RNLS: variants seen among roughly 807,000 people sequenced by gnomAD.
The protein encoded by RNLS is renalase, FAD dependent amine oxidase.
A neutral mutation model predicts 39.8 loss-of-function variants in RNLS; 39 were observed. That is an observed-to-expected ratio of 0.98 (90% confidence interval 0.76 to 1.28). RNLS has a LOEUF of 1.28. Ranked by LOEUF, RNLS falls within the 50% of genes most tolerant of loss-of-function variation. RNLS has a pLI of 0.00. For synonymous variants in RNLS, 147 were observed against 150.7 expected (o/e 0.98, Z 0.18); for missense variants, 410 against 413.3 (o/e 0.99, Z 0.07).
intron 5 of RNLS, among the ~76,000 whole-genome samples, chr10:88,345,585 C>G (rs977271472): frequency 5.3e-5 from 8 of 152,088 alleles, no homozygotes; most frequent in African/African-American, 1.7e-4. Flanking sequence ...ACTAATGGAC[C>G]AAAACCATAA....
the RNLS span, among the ~76,000 whole-genome samples, chr10:88,191,408 C>T: frequency 7.1e-6 from 1 of 141,442 alleles, no homozygotes; most frequent in African/African-American, 3.1e-5. Flanking sequence ...TAATTTTTTT[C>T]ATTGACAAAT....
the RNLS span, among the ~76,000 whole-genome samples, chr10:88,259,788 G>C: frequency 1.3e-5 from 2 of 152,140 alleles, no homozygotes; most frequent in African/African-American, 4.8e-5. Context: ...TCTGTCACCA[G>C]GCTGGAGTGC....
rs1846383893 is a variant in RNLS at position 88,515,964 on chromosome 10, C to T, written c.526+56939G>A. Among the ~76,000 whole-genome samples, 3 of 151,864 alleles carry T rather than the reference C, an allele frequency of 2.0e-5. No individual in the cohort carries two copies. The South Asian group carries it at 6.2e-4, about 32-fold the overall frequency. The stretch of plus-strand genomic sequence containing the variant: ...GCCCTAATCCAATTTGACTGGTGTC[C>T]TTAAGAGGACAGGAAATGTGGACAC... On this transcript the variant is annotated intron_variant, in intron 4 of 6. Transcript: ENST00000331772.
At chr10:88,472,106 A>T (rs552660537) in intron 4 of RNLS, among the ~76,000 whole-genome samples, 1 of 152,348 alleles carries the variant, frequency 6.6e-6, no homozygotes, top group South Asian at 2.1e-4. Context: ...CTAGTCCTGA[A>T]GGCAGGCATT....
intron 4 of RNLS, among the ~76,000 whole-genome samples, chr10:88,478,905 TTCTC>T (rs917482807): frequency 4.6e-4 from 70 of 150,566 alleles, no homozygotes; most frequent in Non-Finnish European, 7.7e-4. Flanking sequence ...CTTTCTTTCT[TTCTC>T]TCTCTCTCTC....
chr10:88,548,279 A>G (rs1304949563), intron 4 of RNLS, among the ~76,000 whole-genome samples: 1 of 142,626 alleles, frequency 7.0e-6, no homozygotes, highest in Non-Finnish European at 1.5e-5. Context: ...AAAAAAAAAA[A>G]AAAAAAAAAA....
At chr10:88,188,131 G>A in the RNLS span, among the ~76,000 whole-genome samples, 2 of 151,958 alleles carry the variant, frequency 1.3e-5, no homozygotes, top group Non-Finnish European at 2.9e-5. Flanking sequence ...ATCTCAGCTC[G>A]CTGCAACCTC....
At chr10:88,575,139 TATATATATATATATATATATACACAC>T (rs1397167736) in intron 3 of RNLS, among the ~76,000 whole-genome samples, 72 of 32,246 alleles carry the variant, frequency 2.2e-3, no homozygotes, top group African/African-American at 0.015. Context: ...TATATATATA[TATATATATATATATATATATACACAC>T]ACACACACAC....
chr10:88,298,166 G>A (rs1431480194), intron 6 of RNLS, among the ~76,000 whole-genome samples: 2 of 151,846 alleles, frequency 1.3e-5, no homozygotes, highest in African/African-American at 2.4e-5. Context: ...TTTTAATTGG[G>A]TTGGTTTTTT....
At chr10:88,195,152 C>T in the RNLS span, among the ~76,000 whole-genome samples, 1 of 152,138 alleles carries the variant, frequency 6.6e-6, no homozygotes, top group Non-Finnish European at 1.5e-5. Flanking sequence ...TTTCCTGACC[C>T]TGAATGAGAT....
chr10:88,244,281 T>A, the RNLS span, among the ~76,000 whole-genome samples: 2 of 152,152 alleles, frequency 1.3e-5, no homozygotes, highest in Admixed American at 6.5e-5. Flanking sequence ...TCCTCCTTGT[T>A]CCTCAGCCAG....
chr10:88,422,764 T>C (rs1276583351), intron 4 of RNLS, among the ~76,000 whole-genome samples: 8 of 147,558 alleles, frequency 5.4e-5, no homozygotes, highest in African/African-American at 9.8e-5. Context: ...AGATGGCCCT[T>C]TTTTTTTTTT....
chr10:88,580,786 G>A (rs1037624058), intron 3 of RNLS, among the ~76,000 whole-genome samples: 18 of 152,050 alleles, frequency 1.2e-4, no homozygotes, highest in Non-Finnish European at 5.9e-5. Context: ...TTAAAACCAC[G>A]AAGAGATCCA....
chr10:88,512,748 C>T lies in RNLS; in HGVS notation c.526+60155G>A, dbSNP rs185971331. 1.5e-3 allele frequency among the ~76,000 whole-genome samples: 222 copies of T among 152,260 alleles called. 2 individuals are homozygous for T. Among genetic ancestry groups the T allele is most frequent in the African/African-American group, 5.1e-3 (213 of 41,570 alleles). On this transcript the variant is annotated intron_variant, in intron 4 of 6. Coordinates refer to ENST00000331772, the MANE Select transcript of RNLS (RefSeq NM_001031709.3). ...CTCTACACTGCTCACAGGTGCCCAACGAGCACTTTACTCTCCCACCTTTGT... is the reference window on the plus strand; with the variant it reads ...CTCTACACTGCTCACAGGTGCCCAATGAGCACTTTACTCTCCCACCTTTGT...
chr10:88,256,028 G>A, the RNLS span, among the ~76,000 whole-genome samples: 13,490 of 152,222 alleles, frequency 0.089, 796 homozygotes, highest in East Asian at 0.21. Flanking sequence ...GGCAGCTCAG[G>A]GAGGAGAATA....
At chr10:88,464,031 A>C (rs1843076001) in intron 4 of RNLS, among the ~76,000 whole-genome samples, 1 of 152,086 alleles carries the variant, frequency 6.6e-6, no homozygotes, top group African/African-American at 2.4e-5. Context: ...AGATGTCTGG[A>C]AACCAGGAGT....
chr10:88,582,998 G>C (rs1755727647), intron 1 of RNLS, 75 bp downstream of exon 1: 1 of 1,494,728 alleles, frequency 6.7e-7, no homozygotes, highest in Non-Finnish European at 9.0e-7. Flanking sequence ...GACTTTCTTG[G>C]GTGCAGGCCC....
the RNLS span, among the ~76,000 whole-genome samples, chr10:88,244,331 GC>G: frequency 1.3e-5 from 2 of 152,210 alleles, no homozygotes; most frequent in African/African-American, 4.8e-5. Flanking sequence ...TGTCTTGTCA[GC>G]CGATGGTGTG....
Position 88,284,186 on chromosome 10 carries a change from T to C in RNLS, c.*1168A>G, listed in dbSNP as rs1228312029. 1.0e-6 allele frequency: 1 copy of C among 985,236 alleles called. No individual in the cohort carries two copies. The highest frequency in any genetic ancestry group is 1.2e-6 in the Non-Finnish European group (1 of 829,896). The allele number at this position is 985,236 out of a possible 1,614,324, so 61.0% of individuals were successfully genotyped here. ...AGGGTCATAAAACCCACTTTGCAGC[T>C]ATAGAAGCAAGTTCTGCCTGTGCCT... On this transcript the variant is annotated 3_prime_UTR_variant, in exon 7 of 7. Transcript: ENST00000331772.
Sources: gnomAD v4.1 joint callset for allele counts (sites outside exome capture counted in the v4.1 genomes callset) on GRCh38, gnomAD v4.1.1 for gene constraint, MANE v1.5 for transcripts, NCBI Gene and HGNC (gene_info 2026-07-23, HGNC 2026-07-21) for gene names.